Variants in EFCAB8 observed in about 807,000 individuals in gnomAD.
The protein encoded by EFCAB8 is EF-hand calcium-binding domain-containing protein 8.
A neutral mutation model predicts 116.3 loss-of-function variants in EFCAB8; 100 were observed. That is an observed-to-expected ratio of 0.86 (90% CI 0.73 to 1.02). The LOEUF is 1.02. EFCAB8 is among the 50% of genes least tolerant of loss of function. The pLI is 0.00. For synonymous variants in EFCAB8, 558 were observed against 567.9 expected, an observed-to-expected ratio of 0.98 and a Z score of 0.25; for missense variants, 1,320 against 1,416.9, an observed-to-expected ratio of 0.93 and a Z score of 1.10.
chr20:32,909,267 T>C (rs1203865032), intron 14 of EFCAB8, among the ~76,000 whole-genome samples: 1 of 152,210 alleles, frequency 6.6e-6, no homozygotes, highest in Non-Finnish European at 1.5e-5. Context: ...GTGGTCAGCA[T>C]TTGCTGAATT....
intron 20 of EFCAB8, among the ~76,000 whole-genome samples, chr20:32,924,481 A>T (rs888894151): frequency 6.6e-6 from 1 of 152,218 alleles, no homozygotes; most frequent in African/African-American, 2.4e-5. Flanking sequence ...TGTGAAAAGA[A>T]TGTTTAATAC....
rs116277805 is a variant in EFCAB8, at chr20:32,902,766, C to T, written c.1089-3796C>T. Among the ~76,000 whole-genome samples the T allele has an allele frequency of 9.9e-3, 1,503 of 152,318 alleles. 21 individuals are homozygous for T. The highest frequency in any genetic ancestry group is 0.033 in the African/African-American group (1,352 of 41,568). ...GGCATTGGCACCCCAACCTCTGCCTCTGGAGTCAGCCTCAGCCTCCAAGGC... is the reference window on the plus strand; with the variant it reads ...GGCATTGGCACCCCAACCTCTGCCTTTGGAGTCAGCCTCAGCCTCCAAGGC... On this transcript the variant is annotated intron_variant, in intron 11 of 26. Coordinates refer to ENST00000400522, the MANE Select transcript of EFCAB8 (RefSeq NM_001143967.2).
Position 32,939,749 on chromosome 20 carries a change from CAGTG to C in EFCAB8, c.2791-3886_2791-3883del, listed in dbSNP as rs1032356577. Among the ~76,000 whole-genome samples the C allele has an allele frequency of 3.5e-5, 5 of 143,268 alleles. 1 individual carries two copies. Among genetic ancestry groups the C allele is most frequent in the Non-Finnish European group, 7.6e-5 (5 of 65,508 alleles). The allele number at this position is 143,268 out of a possible 152,430, so 94.0% of individuals were successfully genotyped here. A position where few individuals can be genotyped will look rare whatever the true frequency, so the allele number is the denominator to read the frequency against. On this transcript the variant is annotated intron_variant, in intron 22 of 26. Coordinates refer to ENST00000400522, the MANE Select transcript of EFCAB8 (RefSeq NM_001143967.2). ...TTGCTCTGGTACCCAGGCTGGAGTG[CAGTG>C]GCGCCACCTCGGTTCACTGCAACCT... is the stretch of plus-strand genomic sequence containing the variant.
At chr20:32,942,483 T>G (rs1169411805) in intron 22 of EFCAB8, among the ~76,000 whole-genome samples, 1 of 151,762 alleles carries the variant, frequency 6.6e-6, no homozygotes, top group Non-Finnish European at 1.5e-5. Flanking sequence ...GCCTAACAGT[T>G]CGAGACCAGC....
intron 20 of EFCAB8, among the ~76,000 whole-genome samples, chr20:32,923,198 A>C (rs112577262): frequency 1.5e-4 from 23 of 151,988 alleles, no homozygotes; most frequent in Middle Eastern, 3.4e-3. Context: ...ACAAACAAAC[A>C]AACCTGGCCC....
intron 3 of EFCAB8, among the ~76,000 whole-genome samples, chr20:32,874,949 A>T (rs2146184362): frequency 6.6e-6 from 1 of 152,042 alleles, no homozygotes; most frequent in Admixed American, 6.6e-5. Flanking sequence ...GGGTTTTGCC[A>T]TGTTGGTCAG....
intron 5 of EFCAB8, among the ~76,000 whole-genome samples, chr20:32,883,911 G>C (rs1985476427): frequency 6.6e-6 from 1 of 152,066 alleles, no homozygotes; most frequent in Non-Finnish European, 1.5e-5. Flanking sequence ...GGCTGGTCTT[G>C]AACTCCTGAC....
chr20:32,911,828 T>A, intron 16 of EFCAB8, 121 bp downstream of exon 16: 1 of 1,009,496 alleles, frequency 9.9e-7, no homozygotes, highest in Non-Finnish European at 1.5e-6. Context: ...CATAGTCAGG[T>A]GGCCTGGCTT....
intron 20 of EFCAB8, among the ~76,000 whole-genome samples, chr20:32,922,445 G>T (rs1036799255): frequency 1.3e-5 from 2 of 152,202 alleles, no homozygotes; most frequent in Admixed American, 1.3e-4. Flanking sequence ...CATGCCAGCC[G>T]CTGGGGAAGG....
Position 32,892,279 on chromosome 20 carries a change from C to T in EFCAB8, c.740C>T (p.Ala247Val). 2.6e-6 allele frequency: 4 copies of T among 1,551,594 alleles called. No individual in the cohort carries two copies. The highest frequency in any genetic ancestry group is 1.7e-6 in the Non-Finnish European group (2 of 1,146,978). ...AFTFVDLDSC[A>V]LVMDYWSDYH... ...ACCTTTGTTGATCTGGACAGCTGTG[C>T]TCTGGTCATGGACTACTGGTGAGTC... Residue 247 changes from alanine (A) to valine (V), a missense_variant, in exon 8 of 27, where the codon GCT (alanine) becomes GTT (valine). Ala to Val is a moderately conservative substitution (Grantham distance 64). Coordinates refer to ENST00000400522, the MANE Select transcript of EFCAB8 (RefSeq NM_001143967.2).
chr20:32,919,962 T>A (rs1987369076), intron 19 of EFCAB8, 116 bp from the exon 20 acceptor site: 2 of 1,328,354 alleles, frequency 1.5e-6, no homozygotes, highest in East Asian at 5.0e-5. Context: ...CAGGCCAGTG[T>A]ACCTACTGCG....
intron 22 of EFCAB8, among the ~76,000 whole-genome samples, chr20:32,932,633 T>C (rs1208252403): frequency 6.6e-6 from 1 of 152,234 alleles, no homozygotes; most frequent in Admixed American, 6.5e-5. Flanking sequence ...TCACTTATAC[T>C]GGTACTCATC....
At chr20:32,956,278 C>T (rs1451533021) in intron 23 of EFCAB8, among the ~76,000 whole-genome samples, 1 of 151,966 alleles carries the variant, frequency 6.6e-6, no homozygotes, top group Non-Finnish European at 1.5e-5. Context: ...TCCTATAAGA[C>T]ATTGTCATTA....
chr20:32,929,194 C>T (rs1229152273), intron 20 of EFCAB8, among the ~76,000 whole-genome samples: 1 of 151,108 alleles, frequency 6.6e-6, no homozygotes, highest in Admixed American at 6.6e-5. Flanking sequence ...TAATGCTGGC[C>T]TCATAGAATG....
intron 2 of EFCAB8, among the ~76,000 whole-genome samples, chr20:32,866,122 C>A (rs988990490): frequency 6.6e-6 from 1 of 152,166 alleles, no homozygotes; most frequent in African/African-American, 2.4e-5. Flanking sequence ...GGCAGGGACC[C>A]TCACTATGTT....
chr20:32,939,277 C>CT (rs1319746477), intron 22 of EFCAB8, among the ~76,000 whole-genome samples: 19 of 106,028 alleles, frequency 1.8e-4, no homozygotes, highest in South Asian at 9.2e-4. Flanking sequence ...TCTCTCTCTC[C>CT]TTTTTTTTTT....
At chr20:32,872,063 C>T (rs1379100350) in intron 3 of EFCAB8, among the ~76,000 whole-genome samples, 1 of 152,182 alleles carries the variant, frequency 6.6e-6, no homozygotes, top group African/African-American at 2.4e-5. Context: ...ATGGGTCCCT[C>T]TTTTAGCAAG....
At chr20:32,917,593 G>A (rs1469249625) in intron 18 of EFCAB8, 88 bp downstream of exon 18, 5 of 1,384,410 alleles carry the variant, frequency 3.6e-6, no homozygotes, top group Non-Finnish European at 9.9e-7. Context: ...GGAGCACCCT[G>A]GGAAGCAGGA....
At chr20:32,952,351 A>G (rs1320700375) in intron 23 of EFCAB8, among the ~76,000 whole-genome samples, 1 of 152,172 alleles carries the variant, frequency 6.6e-6, no homozygotes, top group Non-Finnish European at 1.5e-5. Context: ...AAATGTTTCC[A>G]CTATATTTTC....
Sources: allele counts gnomAD v4.1 joint callset (sites outside exome capture counted in the v4.1 genomes callset), GRCh38; gene constraint gnomAD v4.1.1; transcripts MANE v1.5; gene names NCBI Gene and HGNC (gene_info 2026-07-23, HGNC 2026-07-21).